Variants in IGSF11 observed in about 807,000 individuals in gnomAD.
IGSF11 encodes the protein immunoglobulin superfamily member 11, also known as CXADR like 1.
Under a neutral mutation model 41.0 loss-of-function variants are expected in IGSF11, and 22 were observed. That is an observed-to-expected ratio of 0.54 (90% CI 0.38 to 0.77). The LOEUF (loss-of-function observed/expected upper bound fraction) is 0.77. IGSF11 is among the 30% of genes least tolerant of loss of function. The pLI is 0.00. For synonymous variants in IGSF11, 219 were observed against 201.3 expected (o/e 1.09, Z -0.74); for missense variants, 444 against 530.8 (o/e 0.84, Z 1.61).
intron 1 of IGSF11, among the ~76,000 whole-genome samples, chr3:119,126,491 C>G (rs900243436): frequency 3.9e-5 from 6 of 152,224 alleles, no homozygotes; most frequent in Admixed American, 1.3e-4. Context: ...GGTTTCCCCC[C>G]ACAAAACACA....
At chr3:119,120,348 G>C (rs1270130470) in intron 1 of IGSF11, among the ~76,000 whole-genome samples, 1 of 152,228 alleles carries the variant, frequency 6.6e-6, no homozygotes, top group East Asian at 1.9e-4. Flanking sequence ...CAGTGAAATG[G>C]CTTCTTTGTC....
At chr3:119,126,445 G>A (rs983642116) in intron 1 of IGSF11, among the ~76,000 whole-genome samples, 44 of 152,336 alleles carry the variant, frequency 2.9e-4, no homozygotes, top group African/African-American at 1.0e-3. Flanking sequence ...TGATCCTCCT[G>A]GTGGTTCTGA....
At chr3:118,933,666 A>G (rs1180264676) in intron 1 of IGSF11, among the ~76,000 whole-genome samples, 2 of 152,186 alleles carry the variant, frequency 1.3e-5, no homozygotes, top group East Asian at 1.9e-4. Context: ...CGGTTAGTCT[A>G]TAAGGAACAC....
intron 1 of IGSF11, among the ~76,000 whole-genome samples, chr3:119,042,013 C>T (rs939661980): frequency 1.3e-5 from 2 of 152,088 alleles, no homozygotes; most frequent in Admixed American, 1.3e-4. Context: ...TTTTCTTATG[C>T]AAAGATATGC....
At chr3:119,132,418 C>T (rs1258612709) in intron 1 of IGSF11, among the ~76,000 whole-genome samples, 2 of 139,774 alleles carry the variant, frequency 1.4e-5, no homozygotes, top group African/African-American at 2.7e-5. Flanking sequence ...GCAGGGGTTG[C>T]GATCCTAGTC....
intron 1 of IGSF11, among the ~76,000 whole-genome samples, chr3:119,008,803 A>G (rs763708176): frequency 2.6e-5 from 4 of 152,186 alleles, no homozygotes; most frequent in Admixed American, 2.0e-4. Flanking sequence ...AAGTCATTGG[A>G]CTGAGTACAG....
At chr3:119,043,881 T>A (rs1248055257) in intron 1 of IGSF11, among the ~76,000 whole-genome samples, 1 of 152,148 alleles carries the variant, frequency 6.6e-6, no homozygotes, top group African/African-American at 2.4e-5. Context: ...ATCCAAAGGA[T>A]CACCTCATGG....
At chr3:119,020,430 A>G (rs1324102833) in intron 1 of IGSF11, among the ~76,000 whole-genome samples, 2 of 152,224 alleles carry the variant, frequency 1.3e-5, no homozygotes, top group African/African-American at 4.8e-5. Context: ...AAGAACACAT[A>G]CTACCAGGGA....
At chr3:119,043,074 C>T (rs372438949) in intron 1 of IGSF11, among the ~76,000 whole-genome samples, 30 of 152,114 alleles carry the variant, frequency 2.0e-4, no homozygotes, top group African/African-American at 3.1e-4. Context: ...AGAAGAGAAC[C>T]GTGGAACCCA....
At chr3:118,956,165 G>A (rs535085982) in intron 1 of IGSF11, among the ~76,000 whole-genome samples, 6 of 152,062 alleles carry the variant, frequency 3.9e-5, no homozygotes, top group Admixed American at 3.9e-4. Context: ...AAAAAAATTA[G>A]GGCACTGCTC....
At chr3:119,058,349 T>C (rs1284478008) in intron 1 of IGSF11, among the ~76,000 whole-genome samples, 1 of 152,220 alleles carries the variant, frequency 6.6e-6, no homozygotes, top group African/African-American at 2.4e-5. Flanking sequence ...AAGACATTTA[T>C]GCAGCCAAAA....
intron 1 of IGSF11, among the ~76,000 whole-genome samples, chr3:118,970,751 A>C (rs1341233802): frequency 1.3e-5 from 1 of 74,744 alleles, no homozygotes; most frequent in Non-Finnish European, 2.5e-5. Context: ...ACAGTTTTAC[A>C]AAAAAAAAAA....
chr3:119,087,672 G>T (rs2076698886), intron 1 of IGSF11, among the ~76,000 whole-genome samples: 1 of 152,070 alleles, frequency 6.6e-6, no homozygotes. Flanking sequence ...TGGGTACAGT[G>T]TACACTGCTT....
chr3:119,118,636 T>C (rs1180762481), intron 1 of IGSF11, among the ~76,000 whole-genome samples: 1 of 152,258 alleles, frequency 6.6e-6, no homozygotes, highest in Non-Finnish European at 1.5e-5. Flanking sequence ...CCTCATTACT[T>C]ATGCAAATTT....
At chr3:119,022,229 T>C (rs1233579757) in intron 1 of IGSF11, among the ~76,000 whole-genome samples, 3 of 152,108 alleles carry the variant, frequency 2.0e-5, no homozygotes, top group Non-Finnish European at 4.4e-5. Context: ...CTGGAATAGG[T>C]AAATTTATAG....
At chr3:119,006,436 G>A (rs1937507560) in intron 1 of IGSF11, among the ~76,000 whole-genome samples, 1 of 116,138 alleles carries the variant, frequency 8.6e-6, no homozygotes, top group Non-Finnish European at 1.6e-5. Flanking sequence ...AGAGTAATTT[G>A]ATCGTCTGAA....
At chr3:118,905,508 C>T (rs1468143200) in intron 5 of IGSF11, 88 bp downstream of exon 5, 1 of 1,376,938 alleles carries the variant, frequency 7.3e-7, no homozygotes, top group African/African-American at 1.4e-5. Context: ...AACCTTAAGA[C>T]AATTCAGCAG....
At chr3:119,101,237 C>A (rs942452084) in intron 1 of IGSF11, among the ~76,000 whole-genome samples, 1 of 152,120 alleles carries the variant, frequency 6.6e-6, no homozygotes, top group African/African-American at 2.4e-5. Context: ...AGGCCGGGTG[C>A]GGTGGCTCAC....
intron 1 of IGSF11, among the ~76,000 whole-genome samples, chr3:119,042,723 G>A (rs955652719): frequency 7.2e-5 from 11 of 152,160 alleles, no homozygotes; most frequent in African/African-American, 2.7e-4. Flanking sequence ...GCTCTTGAGA[G>A]CTCTATGGCC....
Sources: gnomAD v4.1 joint callset for allele counts (sites outside exome capture counted in the v4.1 genomes callset) on GRCh38, gnomAD v4.1.1 for gene constraint, MANE v1.5 for transcripts, NCBI Gene and HGNC (gene_info 2026-07-23, HGNC 2026-07-21) for gene names.